Variants in MIDN observed in about 807,000 individuals in gnomAD.
The protein encoded by MIDN is midbrain nucleolar protein.
A neutral mutation model predicts 46.1 loss-of-function variants in MIDN; 26 were observed. That is an observed-to-expected ratio of 0.56 (90% confidence interval 0.41 to 0.78). The LOEUF is 0.78. Ranked by LOEUF, MIDN falls within the 30% of genes least tolerant of loss-of-function variation. MIDN has a pLI of 0.00. For missense variants in MIDN, 850 were observed against 771.8 expected (o/e 1.10, Z -1.20); for synonymous variants, 432 against 343.3 (o/e 1.26, Z -2.86).
At chr19:1,256,898 GTGTC>G in intron 8 of MIDN, 93 bp from the exon 9 acceptor site, 1 of 1,550,594 alleles carries the variant, frequency 6.4e-7, no homozygotes, top group Non-Finnish European at 8.7e-7. Flanking sequence ...GGGCAGGACT[GTGTC>G]TGACCTCAGG....
chr19:1,258,738 G>T lies in MIDN; in HGVS notation c.*1466G>T, dbSNP rs1305244473. 1 of 150,902 alleles carries T rather than the reference G, an allele frequency of 6.6e-6. No homozygotes were observed. Among genetic ancestry groups the T allele is most frequent in the Non-Finnish European group, 1.5e-5 (1 of 67,766 alleles). The allele number at this position is 150,902 out of a possible 1,614,324, so 9.3% of individuals were successfully genotyped here. A position where few individuals can be genotyped will look rare whatever the true frequency, so the allele number is the denominator to read the frequency against. The stretch of plus-strand genomic sequence containing the variant: ...TTTTGTGGGAGGGTGGGCAGGGAGG[G>T]GTCCCAGAGGGTAGAGCTCAAGGAT... On this transcript the variant is annotated 3_prime_UTR_variant, in exon 9 of 9. Coordinates refer to ENST00000682408, the MANE Select transcript of MIDN (RefSeq NM_001388306.1).
At chr19:1,252,451 G>A (rs1312645011) in intron 4 of MIDN, among the ~76,000 whole-genome samples, 5 of 152,216 alleles carry the variant, frequency 3.3e-5, no homozygotes, top group Admixed American at 1.3e-4. Flanking sequence ...CCTGGGGCCA[G>A]TGAGGCCTAG....
chr19:1,255,232 C>T (rs1036205292), intron 7 of MIDN, among the ~76,000 whole-genome samples, 171 bp downstream of exon 7: 7 of 152,126 alleles, frequency 4.6e-5, no homozygotes, highest in Non-Finnish European at 7.4e-5. Flanking sequence ...TGGCCCTGCC[C>T]GGGGGGCCGC....
At chr19:1,252,729 G>A (rs2081147140) in intron 4 of MIDN, among the ~76,000 whole-genome samples, 1 of 152,120 alleles carries the variant, frequency 6.6e-6, no homozygotes, top group Non-Finnish European at 1.5e-5. Flanking sequence ...GGCCTCCCTG[G>A]CCCCGAGGCC....
Position 1,257,305 on chromosome 19 carries a change from C to T in MIDN, c.*33C>T. The stretch of plus-strand genomic sequence containing the variant: ...GGATCGGCCACCCTCGCCCCTCGCA[C>T]CCCAGCCCAGGGCGGCGGGGACTCC... On this transcript the variant is annotated 3_prime_UTR_variant, in exon 9 of 9. Transcript: ENST00000682408. The T allele has an allele frequency of 6.3e-7, 1 of 1,594,052 alleles. No homozygotes were observed. Among genetic ancestry groups the T allele is most frequent in the Non-Finnish European group, 8.6e-7 (1 of 1,165,496 alleles).
intron 2 of MIDN, 70 bp downstream of exon 2, chr19:1,250,599 C>T (rs943957436): frequency 7.1e-5 from 63 of 889,352 alleles, no homozygotes; most frequent in Non-Finnish European, 8.2e-5. Flanking sequence ...AAAGAGCGCG[C>T]CGCGCGGGGA....
rs768049889 is a variant in MIDN, at chr19:1,254,144, C to G, written c.514-23C>G. ...GGGCGCCGCAAGCTGGGGCTCCCAGCTGACGGACCGCTCTCCTTGCAGGTC... is the reference window on the plus strand; with the variant it reads ...GGGCGCCGCAAGCTGGGGCTCCCAGGTGACGGACCGCTCTCCTTGCAGGTC... On this transcript the variant is annotated intron_variant, in intron 5 of 8. Transcript: ENST00000682408. 2.5e-6 allele frequency: 4 copies of G among 1,583,652 alleles called. No individual in the cohort carries two copies. The Admixed American group carries it at 6.8e-5, about 27-fold the overall frequency.
chr19:1,257,980 T>G lies in MIDN; in HGVS notation c.*708T>G, dbSNP rs1290517154. 1 of 152,394 alleles carries G rather than the reference T, an allele frequency of 6.6e-6. No homozygotes were observed. The highest frequency in any genetic ancestry group is 1.9e-4 in the East Asian group (1 of 5,196). 9.4% of individuals were successfully genotyped at this position (152,394 alleles called of 1,614,324 possible). A position where few individuals can be genotyped will look rare whatever the true frequency, so the allele number is the denominator to read the frequency against. ...GCAGAGGCTGGGGCTGAGGTCCCCA[T>G]GGGGTTTGGGTGCAGGGGCATGGCA... On this transcript the variant is annotated 3_prime_UTR_variant, in exon 9 of 9. Coordinates refer to ENST00000682408, the MANE Select transcript of MIDN (RefSeq NM_001388306.1).
intron 2 of MIDN, chr19:1,251,212 T>G: frequency 1.2e-5 from 3 of 242,310 alleles, no homozygotes; most frequent in Admixed American, 5.8e-5. Context: ...AGGACTAGAA[T>G]TAGGGAATTG....
In MIDN at chr19:1,251,709, C is replaced by T. The variant is rs937551081; in HGVS notation, c.321+60C>T. ...CCCCGCACACAGGCAGTAGCCCCTC[C>T]CTCGGTACCTGTCCGCACACACACT... On this transcript the variant is annotated intron_variant, in intron 3 of 8. Coordinates refer to ENST00000682408, the MANE Select transcript of MIDN (RefSeq NM_001388306.1). 2.2e-5 allele frequency: 34 copies of T among 1,541,352 alleles called. 1 individual carries two copies. Among genetic ancestry groups the T allele is most frequent in the South Asian group, 1.5e-4 (13 of 86,678 alleles).
chr19:1,251,047 G>A (rs941229451), intron 2 of MIDN, among the ~76,000 whole-genome samples: 1 of 151,906 alleles, frequency 6.6e-6, no homozygotes, highest in African/African-American at 2.4e-5. Context: ...CCAGTGGAGG[G>A]GCCCATCGGG....
At chr19:1,256,259 G>A (rs757820236) in intron 8 of MIDN, among the ~76,000 whole-genome samples, 36 of 152,210 alleles carry the variant, frequency 2.4e-4, no homozygotes, top group Non-Finnish European at 4.6e-4. Flanking sequence ...CGACGCGGGC[G>A]GATCACGAGG....
chr19:1,254,606 A>C, intron 6 of MIDN, 128 bp downstream of exon 6: 1 of 1,036,400 alleles, frequency 9.6e-7, no homozygotes, highest in African/African-American at 1.6e-5. Context: ...CTATCCTGTG[A>C]CCTCGGGCTG....
Position 1,257,229 on chromosome 19 carries a change from C to A in MIDN, c.1493C>A (p.Pro498Gln). ...GLDFEDSVWK[P>Q]EVNPDIKSEF... ...GACTTCGAGGACTCCGTGTGGAAGC[C>A]AGAAGTCAACCCTGACATCAAGTCA... Residue 498 changes from proline (P) to glutamine (Q), a missense_variant, in exon 9 of 9, where the codon CCA becomes CAA. Coordinates refer to ENST00000682408, the MANE Select transcript of MIDN (RefSeq NM_001388306.1). The A allele has an allele frequency of 6.2e-7, 1 of 1,612,238 alleles. No individual in the cohort carries two copies. The highest frequency in any genetic ancestry group is 1.1e-5 in the South Asian group (1 of 91,080).
At chr19:1,249,866 T>G (rs1170631535) in intron 1 of MIDN, 24 bp from the exon 2 acceptor site, 1 of 151,896 alleles carries the variant, frequency 6.6e-6, no homozygotes, top group Non-Finnish European at 1.5e-5. Context: ...TATAACTTTT[T>G]TTTCTTGTTA....
intron 4 of MIDN, among the ~76,000 whole-genome samples, chr19:1,253,428 C>A (rs1036589876): frequency 3.0e-4 from 45 of 151,564 alleles, no homozygotes; most frequent in Non-Finnish European, 5.6e-4. Context: ...GCCACCCCCC[C>A]CCCCATCCCG....
At chr19:1,253,220 G>A (rs558153815) in intron 4 of MIDN, among the ~76,000 whole-genome samples, 1 of 151,752 alleles carries the variant, frequency 6.6e-6, no homozygotes, top group Non-Finnish European at 1.5e-5. Flanking sequence ...CTGTCTTGGG[G>A]CAGGGGGGTA....
intron 2 of MIDN, 119 bp from the exon 3 acceptor site, chr19:1,251,443 G>C: frequency 2.4e-6 from 2 of 842,212 alleles, no homozygotes; most frequent in East Asian, 2.8e-5. Context: ...GCCGGGAAGG[G>C]GTGGGGGTGG....
rs1052100874 is a variant in MIDN at position 1,257,020 on chromosome 19, C to T, written c.1284C>T (p.Asn428=). Residue 428 remains asparagine (N), a synonymous_variant, in exon 9 of 9, where the codon AAC becomes AAT. Coordinates refer to ENST00000682408, the MANE Select transcript of MIDN (RefSeq NM_001388306.1). The part of the protein sequence containing the change: ...PPGDRLRQTE[N]RATRCKVERL... ...GGGACCGGCTTCGGCAGACAGAAAA[C>T]CGCGCCACGCGCTGCAAGGTGGAAC... 6.8e-6 allele frequency: 11 copies of T among 1,611,434 alleles called. No homozygotes were observed. Among genetic ancestry groups the T allele is most frequent in the Non-Finnish European group, 9.3e-6 (11 of 1,179,902 alleles).
Sources: gnomAD v4.1 joint callset for allele counts (sites outside exome capture counted in the v4.1 genomes callset) on GRCh38, gnomAD v4.1.1 for gene constraint, MANE v1.5 for transcripts, NCBI Gene and HGNC (gene_info 2026-07-23, HGNC 2026-07-21) for gene names.